Variants in TEX15 observed in about 807,000 individuals in gnomAD.
The protein encoded by TEX15 is testis-expressed protein 15.
Under a neutral mutation model 237.3 loss-of-function variants are expected in TEX15, and 171 were observed. The ratio of observed to expected loss-of-function variants is 0.72; its 90% CI spans 0.64 to 0.82. The LOEUF (loss-of-function observed/expected upper bound fraction) is 0.82, where lower values mean the gene tolerates loss of function less well. Ranked by LOEUF, TEX15 falls within the 40% of genes least tolerant of loss-of-function variation. The probability of loss-of-function intolerance (pLI) is 0.00; values close to 1 mark genes in which losing one functional copy is unlikely to be tolerated. For synonymous variants in TEX15, 1,338 were observed against 1,269.8 expected (o/e 1.05, Z -1.14); for missense variants, 3,750 against 3,646.5 (o/e 1.03, Z -0.73).
chr8:30,852,360 T>C (rs1807807711), intron 7 of TEX15, among the ~76,000 whole-genome samples: 1 of 152,090 alleles, frequency 6.6e-6, no homozygotes, highest in South Asian at 2.1e-4. Flanking sequence ...CCCAAAGTGC[T>C]AGGATTACAA....
chr8:30,847,428 C>T lies in TEX15; in HGVS notation c.2739G>A (p.Leu913=). The T allele has an allele frequency of 6.2e-7, 1 of 1,611,444 alleles. No homozygotes were observed. The highest frequency in any genetic ancestry group is 8.5e-7 in the Non-Finnish European group (1 of 1,179,392). ...ATTTAGTAGAAAATTCTTCAGAACT[C>T]AAAATTTCTATATTGTGGTAATTTT... The part of the protein sequence containing the change: ...EDKNYHNIEI[L]SSEEFSTKFN... The change falls in exon 8 of 11, where the codon TTG becomes TTA. Residue 913 remains leucine, a synonymous_variant. Transcript: ENST00000643185.
intron 3 of TEX15, among the ~76,000 whole-genome samples, chr8:30,879,937 T>TA (rs1563265898): frequency 6.8e-6 from 1 of 146,250 alleles, no homozygotes; most frequent in East Asian, 2.0e-4. Flanking sequence ...CTTTTTTTTT[T>TA]TAAAAAAAAA....
At chr8:30,836,204 C>CGTT (rs1554487974) in intron 10 of TEX15, among the ~76,000 whole-genome samples, 1 of 18,830 alleles carries the variant, frequency 5.3e-5, no homozygotes, top group Admixed American at 8.3e-4. Flanking sequence ...TTCACTGTAT[C>CGTT]GTTTTTTTTT....
chr8:30,884,883 CCT>C (rs1280026303), intron 3 of TEX15, among the ~76,000 whole-genome samples: 3 of 151,686 alleles, frequency 2.0e-5, no homozygotes, highest in African/African-American at 4.8e-5. Context: ...TTTAATTTGT[CCT>C]CTTTTTTCTA....
Position 30,899,582 on chromosome 8 carries a change from C to T in TEX15, c.-85-765G>A, listed in dbSNP as rs912757046. ...TCTCCTGCTTCAGCCTCCTGAGTAG[C>T]TGGGATTACAGGCATGTGCCACCGT... On this transcript the variant is annotated intron_variant, in intron 1 of 10. Coordinates refer to ENST00000643185, the MANE Select transcript of TEX15 (RefSeq NM_001350162.2). Among the ~76,000 whole-genome samples, 3 of 152,178 alleles carry T rather than the reference C, an allele frequency of 2.0e-5. No individual in the cohort carries two copies. In the South Asian group the frequency reaches 6.2e-4, roughly 32 times the overall value.
chr8:30,874,866 T>C, intron 4 of TEX15, 71 bp downstream of exon 4: 1 of 917,686 alleles, frequency 1.1e-6, no homozygotes, highest in Non-Finnish European at 1.4e-6. Flanking sequence ...ATGGTAGAAA[T>C]GAATTAGCAT....
chr8:30,898,587 T>C (rs1808950630), intron 2 of TEX15, among the ~76,000 whole-genome samples, 155 bp downstream of exon 2: 1 of 152,226 alleles, frequency 6.6e-6, no homozygotes, highest in Non-Finnish European at 1.5e-5. Context: ...AGAATAAATA[T>C]TTACATACTT....
At chr8:30,912,349 G>A (rs113093108) in intron 1 of TEX15, among the ~76,000 whole-genome samples, 24,870 of 142,824 alleles carry the variant, frequency 0.17, 2,128 homozygotes, top group South Asian at 0.29. Context: ...CCCCCTCCCC[G>A]CCCCCGCGGA....
chr8:30,898,350 G>C (rs1338090526), intron 2 of TEX15, among the ~76,000 whole-genome samples: 1 of 152,114 alleles, frequency 6.6e-6, no homozygotes, highest in African/African-American at 2.4e-5. Flanking sequence ...AAGACCCTCA[G>C]GGGAGCTAGC....
chr8:30,840,940 CAG>C (rs1431231814), intron 8 of TEX15, among the ~76,000 whole-genome samples: 3 of 151,714 alleles, frequency 2.0e-5, no homozygotes, highest in South Asian at 2.1e-4. Flanking sequence ...TTTTTTGAAA[CAG>C]AGTCTTACTC....
At chr8:30,854,524 AT>A (rs1807863535) in intron 7 of TEX15, among the ~76,000 whole-genome samples, 1 of 152,130 alleles carries the variant, frequency 6.6e-6, no homozygotes, top group Non-Finnish European at 1.5e-5. Context: ...GGAAAAACCC[AT>A]CCCCAGATGG....
rs555363950 is a variant in TEX15, at chr8:30,888,631, C to T, written c.-9-1320G>A. The T allele has an allele frequency of 1.0e-4, 135 of 1,289,530 alleles. No individual in the cohort carries two copies. In the South Asian group the frequency reaches 1.5e-3, roughly 14 times the overall value. 79.9% of individuals were successfully genotyped at this position (1,289,530 alleles called of 1,614,324 possible). A position where few individuals can be genotyped will look rare whatever the true frequency, so the allele number is the denominator to read the frequency against. On this transcript the variant is annotated intron_variant, in intron 2 of 10. Coordinates refer to ENST00000643185, the MANE Select transcript of TEX15 (RefSeq NM_001350162.2). ...GAAATATATATAAGCAGGTATTTTT[C>T]GTACCATTTCGTAACATGGTTGATG...
chr8:30,889,938 T>TATATATATATATACAC (rs1808753434), intron 2 of TEX15, among the ~76,000 whole-genome samples: 16 of 128,126 alleles, frequency 1.2e-4, no homozygotes, highest in African/African-American at 5.7e-4. Context: ...TATATACATA[T>TATATATATATATACAC]ATATATATAT....
rs1807506336 is a variant in TEX15 at position 30,843,265 on chromosome 8, A to G, written c.6902T>C (p.Leu2301Pro). 1.2e-6 allele frequency: 2 copies of G among 1,612,690 alleles called. No individual in the cohort carries two copies. The highest frequency in any genetic ancestry group is 2.2e-5 in the East Asian group (1 of 44,824). ...YSQKKDEERLLRVNKCAFSKL... is the reference protein window; with the variant it reads ...YSQKKDEERLPRVNKCAFSKL... ...AGAAAAGGCACATTTATTCACTCTG[A>G]GTAGCCTTTCTTCGTCCTTCTTTTG... The change falls in exon 8 of 11, where the codon CTC becomes CCC. Residue 2301 changes from leucine (L) to proline (P), a missense_variant. Leu to Pro is a moderately conservative substitution (Grantham distance 98, BLOSUM62 -3). Transcript: ENST00000643185.
In TEX15 at chr8:30,845,076, T is replaced by C. The variant is rs372284424; in HGVS notation, c.5091A>G (p.Thr1697=). The change falls in exon 8 of 11, where the codon ACA becomes ACG. Residue 1697 remains threonine, a synonymous_variant. Transcript: ENST00000643185. Reference sequence around the variant, plus strand: ...TTAATGGGCCCATAAGGAAGTTTCCTGTAATAATGTTTTGTTTGGGTCTCT... The same window carrying C: ...TTAATGGGCCCATAAGGAAGTTTCCCGTAATAATGTTTTGTTTGGGTCTCT... ...PIERPKQNII[T]GNFLMGPLNL... The C allele has an allele frequency of 1.2e-6, 2 of 1,613,592 alleles. No individual in the cohort carries two copies. Among genetic ancestry groups the C allele is most frequent in the Non-Finnish European group, 1.7e-6 (2 of 1,179,520 alleles).
intron 3 of TEX15, among the ~76,000 whole-genome samples, chr8:30,878,375 C>T (rs902754321): frequency 6.6e-6 from 1 of 151,788 alleles, no homozygotes; most frequent in African/African-American, 2.4e-5. Context: ...ATGGCAGTTG[C>T]ATGCTTATTT....
intron 1 of TEX15, among the ~76,000 whole-genome samples, chr8:30,907,995 T>C (rs1809144540): frequency 6.6e-6 from 1 of 152,096 alleles, no homozygotes; most frequent in East Asian, 1.9e-4. Flanking sequence ...CACTGCAGCC[T>C]TGACCTCTCA....
intron 3 of TEX15, among the ~76,000 whole-genome samples, chr8:30,885,307 T>C (rs758447283): frequency 1.1e-4 from 16 of 152,236 alleles, no homozygotes; most frequent in Middle Eastern, 6.8e-3. Context: ...TGGGGGCAAG[T>C]CTTTCCCGTG....
At chr8:30,875,496 G>A (rs1332609756) in intron 3 of TEX15, among the ~76,000 whole-genome samples, 1 of 152,208 alleles carries the variant, frequency 6.6e-6, no homozygotes, top group Non-Finnish European at 1.5e-5. Context: ...AAATGATTGG[G>A]TTATTTTGAT....
Sources: allele counts gnomAD v4.1 joint callset (sites outside exome capture counted in the v4.1 genomes callset), GRCh38; gene constraint gnomAD v4.1.1; transcripts MANE v1.5; gene names NCBI Gene and HGNC (gene_info 2026-07-23, HGNC 2026-07-21).